Variants in DGKI observed in about 807,000 individuals in gnomAD.
DGKI encodes DAG kinase iota.
Under a neutral mutation model 147.5 loss-of-function variants are expected in DGKI, and 55 were observed. The observed-to-expected ratio is 0.37, with a 90% CI of 0.30 to 0.47. The LOEUF (loss-of-function observed/expected upper bound fraction) is 0.47, where lower values mean the gene tolerates loss of function less well. DGKI is among the 20% of genes least tolerant of loss of function. DGKI has a pLI of 1.00. For synonymous variants in DGKI, 469 were observed against 477.1 expected (o/e 0.98, Z 0.22); for missense variants, 1,007 against 1,323.8 (o/e 0.76, Z 3.71).
At chr7:137,819,887 C>T (rs1404422879) in intron 1 of DGKI, among the ~76,000 whole-genome samples, 1 of 152,190 alleles carries the variant, frequency 6.6e-6, no homozygotes, top group Non-Finnish European at 1.5e-5. Context: ...TCCTTGTCCC[C>T]CTACAGAATC....
intron 27 of DGKI, among the ~76,000 whole-genome samples, chr7:137,460,139 T>C (rs1418593185): frequency 6.6e-6 from 1 of 152,154 alleles, no homozygotes; most frequent in African/African-American, 2.4e-5. Context: ...GGCTTTAAAG[T>C]GTAAAGCAAC....
intron 10 of DGKI, among the ~76,000 whole-genome samples, chr7:137,604,751 G>A (rs1296093646): frequency 1.3e-5 from 2 of 152,176 alleles, no homozygotes; most frequent in Non-Finnish European, 2.9e-5. Flanking sequence ...TAGGTCACTG[G>A]AAGAGAAAGT....
intron 21 of DGKI, among the ~76,000 whole-genome samples, chr7:137,505,272 A>G (rs1816327701): frequency 6.6e-6 from 1 of 152,182 alleles, no homozygotes; most frequent in South Asian, 2.1e-4. Context: ...GGACATAATG[A>G]TGCCTTCTCC....
chr7:137,521,491 G>A (rs966582546), intron 21 of DGKI, among the ~76,000 whole-genome samples: 10 of 152,064 alleles, frequency 6.6e-5, no homozygotes, highest in Middle Eastern at 3.2e-3. Context: ...TGAGGGCAGT[G>A]TTTGATAACG....
In DGKI at chr7:137,447,961, G is replaced by A. The variant is rs569638074; in HGVS notation, c.2736-3859C>T. On this transcript the variant is annotated intron_variant, in intron 27 of 32. Transcript: ENST00000614521. ...AAAATGACAGGGAGGATGAGAAATG[G>A]TAAAGGAAATACCCTCTTTGATTAA... Among the ~76,000 whole-genome samples the A allele has an allele frequency of 1.1e-3, 173 of 152,176 alleles. 1 individual carries two copies. The highest frequency in any genetic ancestry group is 1.2e-3 in the Non-Finnish European group (84 of 67,994).
intron 28 of DGKI, among the ~76,000 whole-genome samples, chr7:137,426,715 C>G (rs533467327): frequency 6.6e-6 from 1 of 151,012 alleles, no homozygotes; most frequent in South Asian, 2.1e-4. Context: ...ATCTACCAAG[C>G]AAATGGAAAA....
intron 8 of DGKI, among the ~76,000 whole-genome samples, chr7:137,615,142 C>T (rs903428951): frequency 6.6e-6 from 1 of 152,146 alleles, no homozygotes; most frequent in Non-Finnish European, 1.5e-5. Context: ...CTGACCATGG[C>T]TGATTCAACC....
chr7:137,453,460 C>T (rs1814056587), intron 27 of DGKI, among the ~76,000 whole-genome samples: 2 of 152,186 alleles, frequency 1.3e-5, no homozygotes, highest in African/African-American at 4.8e-5. Flanking sequence ...ACATAATCCT[C>T]TCTTTGTTTG....
At chr7:137,696,511 G>GTGAAC (rs1416145645) in intron 1 of DGKI, among the ~76,000 whole-genome samples, 80 of 114,400 alleles carry the variant, frequency 7.0e-4, no homozygotes, top group African/African-American at 2.6e-3. Context: ...CTGAGAACTT[G>GTGAAC]TGAACTCATT....
At chr7:137,525,776 T>C (rs1413599181) in intron 20 of DGKI, among the ~76,000 whole-genome samples, 1 of 152,186 alleles carries the variant, frequency 6.6e-6, no homozygotes, top group Non-Finnish European at 1.5e-5. Flanking sequence ...TTCTCCTAGA[T>C]AAGGTTCTAC....
chr7:137,693,739 G>T (rs1013752306), intron 1 of DGKI, among the ~76,000 whole-genome samples: 1 of 152,182 alleles, frequency 6.6e-6, no homozygotes, highest in African/African-American at 2.4e-5. Context: ...TTAGATCAAG[G>T]GTTGAGAAAT....
chr7:137,397,283 A>C, intron 31 of DGKI, 94 bp downstream of exon 31: 1 of 1,224,902 alleles, frequency 8.2e-7, no homozygotes, highest in Non-Finnish European at 1.2e-6. Context: ...AATTAAGTTA[A>C]AATTACCTAT....
At chr7:137,835,663 G>A (rs760590901) in intron 1 of DGKI, among the ~76,000 whole-genome samples, 1 of 151,970 alleles carries the variant, frequency 6.6e-6, no homozygotes, top group Non-Finnish European at 1.5e-5. Context: ...GTACAGGAAG[G>A]GCAATGACAA....
chr7:137,800,020 A>C (rs561601552), intron 1 of DGKI, among the ~76,000 whole-genome samples: 24 of 152,182 alleles, frequency 1.6e-4, no homozygotes, highest in Non-Finnish European at 2.6e-4. Context: ...AGCAAATACC[A>C]GGGGTGGCAG....
chr7:137,726,660 G>A (rs888236639), intron 1 of DGKI, among the ~76,000 whole-genome samples: 3 of 152,206 alleles, frequency 2.0e-5, no homozygotes, highest in Non-Finnish European at 2.9e-5. Flanking sequence ...ATTCTCCTAT[G>A]AAGCAAAATC....
chr7:137,832,917 A>C (rs1195690577), intron 1 of DGKI, among the ~76,000 whole-genome samples: 1 of 152,192 alleles, frequency 6.6e-6, no homozygotes, highest in Non-Finnish European at 1.5e-5. Context: ...AAGTTCCACA[A>C]ATCTCTAGGG....
chr7:137,572,734 A>T (rs760077904), intron 18 of DGKI, 31 bp downstream of exon 18: 1 of 1,500,966 alleles, frequency 6.7e-7, no homozygotes, highest in Non-Finnish European at 9.1e-7. Flanking sequence ...AGTTCACGTC[A>T]AACCAAGGAA....
At chr7:137,787,559 T>A (rs145002630) in intron 1 of DGKI, among the ~76,000 whole-genome samples, 2,945 of 152,244 alleles carry the variant, frequency 0.019, 106 homozygotes, top group African/African-American at 0.065. Context: ...AGTGTGGAGA[T>A]TCCTTAAAGA....
chr7:137,466,129 T>C (rs1814649195), intron 25 of DGKI, 94 bp from the exon 26 acceptor site: 2 of 1,446,492 alleles, frequency 1.4e-6, no homozygotes, highest in African/African-American at 1.4e-5. Context: ...TGTCAAAGGA[T>C]CACACTGTGT....
Sources: allele counts gnomAD v4.1 joint callset (sites outside exome capture counted in the v4.1 genomes callset), GRCh38; gene constraint gnomAD v4.1.1; transcripts MANE v1.5; gene names NCBI Gene and HGNC (gene_info 2026-07-23, HGNC 2026-07-21).